The following TICRR variants were observed in gnomAD, a reference collection of about 807,000 sequenced individuals.
TICRR encodes TOPBP1 interacting checkpoint and replication regulator, also known as treslin.
Under a neutral mutation model 178.1 loss-of-function variants are expected in TICRR, and 132 were observed. The ratio of observed to expected loss-of-function variants is 0.74; its 90% CI spans 0.64 to 0.86. The LOEUF (loss-of-function observed/expected upper bound fraction) is 0.86. Among genes scored for constraint, TICRR ranks in the 40% least tolerant of loss-of-function variants. TICRR has a pLI of 0.00. For synonymous variants in TICRR, 991 were observed against 900.7 expected (o/e 1.10, Z -1.79); for missense variants, 2,587 against 2,334.3 (o/e 1.11, Z -2.23).
chr15:89,583,160 C>G (rs1488609607), intron 2 of TICRR, among the ~76,000 whole-genome samples, 195 bp downstream of exon 2: 1 of 151,896 alleles, frequency 6.6e-6, no homozygotes, highest in Non-Finnish European at 1.5e-5. Context: ...TTCAGTACAA[C>G]TGCCAGCCTT....
At chr15:89,577,893 G>C (rs935996590) in intron 1 of TICRR, among the ~76,000 whole-genome samples, 9 of 151,832 alleles carry the variant, frequency 5.9e-5, no homozygotes, top group African/African-American at 2.2e-4. Flanking sequence ...TTACAGGCAT[G>C]AGCCACCGTG....
intron 14 of TICRR, among the ~76,000 whole-genome samples, chr15:89,608,592 CAT>C (rs1289649109): frequency 2.0e-5 from 3 of 152,122 alleles, no homozygotes; most frequent in Admixed American, 6.6e-5. Flanking sequence ...TGCAAAATAA[CAT>C]ATAAAATTTT....
chr15:89,585,018 C>T (rs1962796313), intron 3 of TICRR, among the ~76,000 whole-genome samples: 1 of 152,206 alleles, frequency 6.6e-6, no homozygotes, highest in Non-Finnish European at 1.5e-5. Flanking sequence ...GGAACATATA[C>T]ATACCCAGAT....
intron 1 of TICRR, among the ~76,000 whole-genome samples, chr15:89,581,317 A>C (rs1030251273): frequency 6.6e-6 from 1 of 152,182 alleles, no homozygotes; most frequent in Admixed American, 6.5e-5. Context: ...TTGTTGTTAT[A>C]CTGTGATGCC....
At chr15:89,622,311 C>G (rs140425661) in intron 19 of TICRR, among the ~76,000 whole-genome samples, 2 of 152,008 alleles carry the variant, frequency 1.3e-5, no homozygotes, top group African/African-American at 2.4e-5. Context: ...GTACCCACCC[C>G]CTCTTCTCCC....
rs150303265 is a variant in TICRR, at chr15:89,606,653, A to G, written c.2665-115A>G. ...TTCTGTTGTACATTTTATTATTTCT[A>G]TTATGGATCCCTATAAATGAATTAC... On this transcript the variant is annotated intron_variant, in intron 13 of 21. Coordinates refer to ENST00000268138, the MANE Select transcript of TICRR (RefSeq NM_152259.4). The G allele has an allele frequency of 8.8e-4, 706 of 806,622 alleles. 1 individual carries two copies. The highest frequency in any genetic ancestry group is 1.4e-3 in the Non-Finnish European group (654 of 479,164). The allele number at this position is 806,622 out of a possible 1,614,324, so 50.0% of individuals were successfully genotyped here.
At chr15:89,600,979 A>G (rs1963083959) in intron 9 of TICRR, among the ~76,000 whole-genome samples, 1 of 149,958 alleles carries the variant, frequency 6.7e-6, no homozygotes, top group Non-Finnish European at 1.5e-5. Context: ...CCAGGAGCTC[A>G]AGACTACTGT....
rs748669288 is a variant in TICRR at position 89,625,031 on chromosome 15, G to A, written c.4721G>A (p.Arg1574Gln). 1.1e-5 allele frequency: 17 copies of A among 1,614,024 alleles called. No homozygotes were observed. The highest frequency in any genetic ancestry group is 3.3e-5 in the Admixed American group (2 of 60,016). Reference protein sequence around the residue: ...EMQASGLPKLRIKKIDPSSSL... With the variant: ...EMQASGLPKLQIKKIDPSSSL... ...CAAGCTTCTGGCCTTCCCAAACTTC[G>A]AATTAAGAAGATAGACCCCAGCTCT... Residue 1574 changes from arginine (R) to glutamine (Q), a missense_variant, in exon 20 of 22, where the codon CGA (arginine) becomes CAA (glutamine). Coordinates refer to ENST00000268138, the MANE Select transcript of TICRR (RefSeq NM_152259.4).
At chr15:89,595,691 G>A in intron 7 of TICRR, 80 bp downstream of exon 7, 1 of 997,058 alleles carries the variant, frequency 1.0e-6, no homozygotes, top group Non-Finnish European at 1.5e-6. Flanking sequence ...TTAGTTTATT[G>A]ACTATCTGCT....
intron 15 of TICRR, among the ~76,000 whole-genome samples, chr15:89,614,787 G>A (rs894756832): frequency 6.6e-6 from 1 of 152,156 alleles, no homozygotes; most frequent in African/African-American, 2.4e-5. Context: ...TCTGCTCAGT[G>A]GTCTTAGTGG....
At chr15:89,597,544 C>T (rs184405720) in intron 7 of TICRR, among the ~76,000 whole-genome samples, 1 of 151,148 alleles carries the variant, frequency 6.6e-6, no homozygotes, top group Admixed American at 6.6e-5. Context: ...AAAAAAAATC[C>T]GTTTACTATA....
intron 4 of TICRR, among the ~76,000 whole-genome samples, chr15:89,589,591 G>A (rs1962877279): frequency 6.6e-6 from 1 of 152,116 alleles, no homozygotes; most frequent in Non-Finnish European, 1.5e-5. Context: ...CCCTAATCCA[G>A]CATACAACGA....
In TICRR at chr15:89,576,196, C is replaced by G. The variant is rs1395230144; in HGVS notation, c.610C>G (p.Arg204Gly). Residue 204 changes from arginine (R) to glycine (G), a missense_variant, in exon 1 of 22, where the codon CGA becomes GGA. Physicochemically the swap from Arg to Gly is moderately radical, Grantham distance 125 (BLOSUM62 -2). Coordinates refer to ENST00000268138, the MANE Select transcript of TICRR (RefSeq NM_152259.4). ...GAGAGTCCGGGAAGTCATGGTCGCCCGAAAAATCACCTTCTACTGGGTGGA... is the reference window on the plus strand; with the variant it reads ...GAGAGTCCGGGAAGTCATGGTCGCCGGAAAAATCACCTTCTACTGGGTGGA... ...PKRVREVMVA[R>G]KITFYWVDTT... The G allele has an allele frequency of 6.3e-7, 1 of 1,595,486 alleles. No homozygotes were observed. The highest frequency in any genetic ancestry group is 8.5e-7 in the Non-Finnish European group (1 of 1,177,578).
In TICRR at chr15:89,592,194, C is replaced by G. The variant is rs1567042537; in HGVS notation, c.1541+18C>G. 3 of 1,603,020 alleles carry G rather than the reference C, an allele frequency of 1.9e-6. No homozygotes were observed. Among genetic ancestry groups the G allele is most frequent in the Non-Finnish European group, 8.5e-7 (1 of 1,171,374 alleles). ...TCATTTGGGTAAAACGTTTTTATAT[C>G]TCTTGAATATTGATTATTAAAATCA... On this transcript the variant is annotated intron_variant, in intron 5 of 21. Transcript: ENST00000268138.
At chr15:89,621,618 C>G (rs1963427123) in intron 19 of TICRR, 68 bp downstream of exon 19, 1 of 1,368,534 alleles carries the variant, frequency 7.3e-7, no homozygotes, top group Non-Finnish European at 1.0e-6. Context: ...CCAAGGAACT[C>G]AGAGTCCATT....
intron 21 of TICRR, 65 bp downstream of exon 21, chr15:89,626,126 C>T (rs1305120130): frequency 6.3e-7 from 1 of 1,582,372 alleles, no homozygotes; most frequent in Non-Finnish European, 8.6e-7. Flanking sequence ...CCAGGGTTGC[C>T]AGGCAGCTCG....
chr15:89,607,815 A>G (rs550472811), intron 14 of TICRR, among the ~76,000 whole-genome samples: 15 of 152,242 alleles, frequency 9.9e-5, no homozygotes, highest in Admixed American at 7.8e-4. Context: ...GACTATCTTA[A>G]GATTAAGGTA....
intron 4 of TICRR, among the ~76,000 whole-genome samples, chr15:89,587,617 G>T (rs1962843393): frequency 6.6e-6 from 1 of 152,120 alleles, no homozygotes; most frequent in Non-Finnish European, 1.5e-5. Flanking sequence ...GCTTGGCTGG[G>T]TTATTTACTA....
Position 89,626,982 on chromosome 15 carries a change from A to G in TICRR, c.5629A>G (p.Thr1877Ala). ...TGAGGATGTGGATGTTCTTCCCTCC[A>G]CTGTAGAAGACTCTCCTTTCAGTCG... ...RDEDVDVLPS[T>A]VEDSPFSRAF... is the part of the protein sequence containing the mutation. The change falls in exon 22 of 22, where the codon ACT becomes GCT. Residue 1877 changes from threonine to alanine, a missense_variant. Transcript: ENST00000268138. 6.2e-7 allele frequency: 1 copy of G among 1,614,014 alleles called. No individual in the cohort carries two copies. Among genetic ancestry groups the G allele is most frequent in the Non-Finnish European group, 8.5e-7 (1 of 1,179,986 alleles).
Sources: gnomAD v4.1 joint callset for allele counts (sites outside exome capture counted in the v4.1 genomes callset) on GRCh38, gnomAD v4.1.1 for gene constraint, MANE v1.5 for transcripts, NCBI Gene and HGNC (gene_info 2026-07-23, HGNC 2026-07-21) for gene names.